The following CSMD1 variants were observed in gnomAD, a reference collection of about 807,000 sequenced individuals.
The protein encoded by CSMD1 is CUB and Sushi multiple domains 1, also known as CUB and sushi domain-containing protein 1.
In CSMD1, 213 loss-of-function variants were observed where a neutral mutation model predicts 417.5. That is an observed-to-expected ratio of 0.51 (90% CI 0.46 to 0.57). The LOEUF (loss-of-function observed/expected upper bound fraction) is 0.57. CSMD1 is among the 20% of genes least tolerant of loss of function. CSMD1 has a pLI of 0.00. For synonymous variants in CSMD1, 2,862 were observed against 1,736.8 expected, an observed-to-expected ratio of 1.65 and a Z score of -16.11; for missense variants, 6,923 against 4,529.7, an observed-to-expected ratio of 1.53 and a Z score of -15.17.
At chr8:3,016,755 C>T (rs1053982049) in intron 52 of CSMD1, among the ~76,000 whole-genome samples, 2 of 152,066 alleles carry the variant, frequency 1.3e-5, no homozygotes, top group Admixed American at 1.3e-4. Context: ...CATTTTTCTT[C>T]TTCCTTATTT....
At chr8:3,450,211 T>C (rs1815607453) in intron 12 of CSMD1, among the ~76,000 whole-genome samples, 1 of 152,186 alleles carries the variant, frequency 6.6e-6, no homozygotes, top group Admixed American at 6.5e-5. Flanking sequence ...GGCCTTAACA[T>C]CTCCGTTGAC....
At chr8:4,094,271 C>T (rs558038837) in intron 3 of CSMD1, among the ~76,000 whole-genome samples, 1 of 152,018 alleles carries the variant, frequency 6.6e-6, no homozygotes, top group Non-Finnish European at 1.5e-5. Context: ...GGGTGATCTA[C>T]TGGGGGAGGC....
rs1458954420 is a variant in CSMD1, at chr8:4,032,057, T to C, written c.458A>G (p.Lys153Arg). The part of the protein sequence containing the change: ...HTCGNPGEIL[K>R]GVLHGTRFNI... ...GAATCTCGTTCCATGCAGAACTCCT[T>C]TCAGGATTTCTCCAGGATTTCCACA... Residue 153 changes from lysine to arginine, a missense_variant, in exon 4 of 70, where the codon AAA (lysine) becomes AGA (arginine). Lys to Arg is a conservative substitution (Grantham distance 26). Transcript: ENST00000635120. 4 of 1,613,602 alleles carry C rather than the reference T, an allele frequency of 2.5e-6. No homozygotes were observed. The highest frequency in any genetic ancestry group is 1.1e-5 in the South Asian group (1 of 91,036).
chr8:3,862,824 G>A (rs941426930), intron 5 of CSMD1, among the ~76,000 whole-genome samples: 1 of 152,154 alleles, frequency 6.6e-6, no homozygotes. Flanking sequence ...CCCTCAAATG[G>A]CAAGTTAGGG....
At chr8:3,365,184 T>A (rs1296504005) in intron 20 of CSMD1, among the ~76,000 whole-genome samples, 1 of 152,182 alleles carries the variant, frequency 6.6e-6, no homozygotes, top group Non-Finnish European at 1.5e-5. Context: ...CTTTGATATA[T>A]AAAGTGGCAA....
intron 5 of CSMD1, among the ~76,000 whole-genome samples, chr8:3,855,111 G>T (rs1293272816): frequency 6.6e-6 from 1 of 151,944 alleles, no homozygotes; most frequent in Non-Finnish European, 1.5e-5. Context: ...TTGAAGCTAT[G>T]GTTTTAAATA....
chr8:3,393,733 G>A (rs1056701832), intron 17 of CSMD1, among the ~76,000 whole-genome samples: 15 of 151,538 alleles, frequency 9.9e-5, no homozygotes, highest in Non-Finnish European at 1.9e-4. Context: ...GCAAACTATG[G>A]CAAAGACAAA....
intron 11 of CSMD1, among the ~76,000 whole-genome samples, chr8:3,491,620 T>C (rs1818386813): frequency 6.6e-6 from 1 of 152,196 alleles, no homozygotes; most frequent in Non-Finnish European, 1.5e-5. Flanking sequence ...AGGAGTCGTG[T>C]CCCTGGTGGA....
intron 7 of CSMD1, among the ~76,000 whole-genome samples, chr8:3,686,279 G>A (rs576792786): frequency 3.4e-4 from 51 of 152,160 alleles, no homozygotes; most frequent in Non-Finnish European, 6.2e-4. Flanking sequence ...AGGAAAGGCA[G>A]TGTCAAGAGA....
chr8:4,077,306 T>TATGTAC (rs1281063799), intron 3 of CSMD1, among the ~76,000 whole-genome samples: 6 of 138,564 alleles, frequency 4.3e-5, no homozygotes, highest in African/African-American at 1.6e-4. Flanking sequence ...TGTATATATA[T>TATGTAC]ATATATATAT....
chr8:2,997,288 A>C (rs1431253351), intron 54 of CSMD1, among the ~76,000 whole-genome samples: 2 of 152,202 alleles, frequency 1.3e-5, no homozygotes, highest in Non-Finnish European at 2.9e-5. Context: ...ACTTCTATAC[A>C]ACTTCTAATC....
intron 12 of CSMD1, among the ~76,000 whole-genome samples, chr8:3,447,730 C>T (rs761712957): frequency 6.6e-6 from 1 of 152,162 alleles, no homozygotes; most frequent in Non-Finnish European, 1.5e-5. Flanking sequence ...CAGGGATGGA[C>T]AGGTCACTTG....
At chr8:3,734,917 A>G (rs1273191358) in intron 6 of CSMD1, among the ~76,000 whole-genome samples, 1 of 152,162 alleles carries the variant, frequency 6.6e-6, no homozygotes, top group Non-Finnish European at 1.5e-5. Flanking sequence ...TTAGAGACAT[A>G]ACTCTTCTTT....
intron 3 of CSMD1, among the ~76,000 whole-genome samples, chr8:4,217,647 T>C (rs1294036944): frequency 7.4e-6 from 1 of 135,024 alleles, no homozygotes; most frequent in African/African-American, 2.6e-5. Context: ...TTGACTCAGT[T>C]GACCTCATCA....
At chr8:3,588,879 T>A (rs746953907) in intron 8 of CSMD1, among the ~76,000 whole-genome samples, 5 of 151,990 alleles carry the variant, frequency 3.3e-5, no homozygotes, top group Admixed American at 2.6e-4. Context: ...AACAAGGGAA[T>A]CACAAGAAAA....
intron 4 of CSMD1, among the ~76,000 whole-genome samples, chr8:4,018,507 A>C (rs1278134412): frequency 6.6e-6 from 1 of 152,132 alleles, no homozygotes; most frequent in Non-Finnish European, 1.5e-5. Flanking sequence ...GGAGGCAGCC[A>C]AAGCCCAGCA....
chr8:4,011,114 G>A (rs1816502965), intron 4 of CSMD1, among the ~76,000 whole-genome samples: 1 of 152,120 alleles, frequency 6.6e-6, no homozygotes, highest in Non-Finnish European at 1.5e-5. Context: ...AGCAATGAAA[G>A]ATAAATTATG....
chr8:3,393,380 G>A (rs978232675), intron 17 of CSMD1, among the ~76,000 whole-genome samples: 11 of 152,174 alleles, frequency 7.2e-5, no homozygotes, highest in Non-Finnish European at 1.3e-4. Context: ...AGACTCTCCA[G>A]CAGATCAGAA....
intron 20 of CSMD1, among the ~76,000 whole-genome samples, chr8:3,365,399 T>G (rs978108755): frequency 6.6e-6 from 1 of 152,234 alleles, no homozygotes; most frequent in Non-Finnish European, 1.5e-5. Context: ...TTGAAGACAC[T>G]ATTTGATTTT....
Sources: allele counts gnomAD v4.1 joint callset (sites outside exome capture counted in the v4.1 genomes callset), GRCh38; gene constraint gnomAD v4.1.1; transcripts MANE v1.5; gene names NCBI Gene and HGNC (gene_info 2026-07-23, HGNC 2026-07-21).